Variants in SNX29 observed in about 807,000 individuals in gnomAD.
SNX29 encodes the protein sorting nexin-29.
A neutral mutation model predicts 102.1 loss-of-function variants in SNX29; 78 were observed. The ratio of observed to expected loss-of-function variants is 0.76; its 90% CI spans 0.64 to 0.92. The LOEUF (loss-of-function observed/expected upper bound fraction) is 0.92. SNX29 is among the 40% of genes least tolerant of loss of function. The pLI is 0.00. For missense variants in SNX29, 1,280 were observed against 1,061.7 expected (o/e 1.21, Z -2.86); for synonymous variants, 580 against 414.5 (o/e 1.40, Z -4.85).
At chr16:12,487,790 G>A (rs1251545274) in intron 19 of SNX29, among the ~76,000 whole-genome samples, 1 of 152,158 alleles carries the variant, frequency 6.6e-6, no homozygotes. Context: ...AAGCAGCTCT[G>A]AGTGAATGAA....
At chr16:12,063,434 G>A (rs147591672) in intron 9 of SNX29, among the ~76,000 whole-genome samples, 5 of 133,244 alleles carry the variant, frequency 3.8e-5, no homozygotes, top group Non-Finnish European at 6.2e-5. Context: ...GAGTGCAATG[G>A]CATGATCTTG....
chr16:12,478,456 C>G (rs1188117960), intron 19 of SNX29, among the ~76,000 whole-genome samples: 2 of 152,166 alleles, frequency 1.3e-5, no homozygotes, highest in Non-Finnish European at 2.9e-5. Context: ...TTTATGATGA[C>G]CCAATTTGTC....
chr16:12,377,336 C>G (rs1209906938), intron 16 of SNX29, among the ~76,000 whole-genome samples: 2 of 152,210 alleles, frequency 1.3e-5, no homozygotes, highest in Non-Finnish European at 2.9e-5. Flanking sequence ...GGCCACTGCT[C>G]TGTGTTGTCA....
At chr16:12,300,467 C>T (rs2080132409) in intron 15 of SNX29, among the ~76,000 whole-genome samples, 1 of 152,144 alleles carries the variant, frequency 6.6e-6, no homozygotes, top group South Asian at 2.1e-4. Flanking sequence ...CATTGTTTGG[C>T]ATTGTGTTTT....
chr16:12,360,691 C>T (rs1401618239), intron 16 of SNX29, among the ~76,000 whole-genome samples: 1 of 151,444 alleles, frequency 6.6e-6, no homozygotes, highest in Admixed American at 6.6e-5. Flanking sequence ...CAGTCCCTGA[C>T]TGAGTTTGCT....
chr16:11,976,842 G>A (rs2055310486), intron 1 of SNX29, 29 bp downstream of exon 1: 1 of 1,342,578 alleles, frequency 7.4e-7, no homozygotes, highest in Non-Finnish European at 9.5e-7. Context: ...GCTGTCACCT[G>A]CCCCGGCCGC....
At chr16:12,173,389 G>T (rs2076192562) in intron 13 of SNX29, among the ~76,000 whole-genome samples, 1 of 152,206 alleles carries the variant, frequency 6.6e-6, no homozygotes, top group South Asian at 2.1e-4. Flanking sequence ...TCACAAGCAG[G>T]CACAGATACT....
intron 15 of SNX29, among the ~76,000 whole-genome samples, chr16:12,330,288 G>A (rs1042743369): frequency 2.6e-5 from 4 of 152,038 alleles, no homozygotes; most frequent in African/African-American, 7.2e-5. Flanking sequence ...CCAACATGGC[G>A]AAACCCCATT....
rs768472294 is a variant in SNX29 at position 12,042,999 on chromosome 16, C to T, written c.350C>T (p.Ala117Val). The change falls in exon 5 of 21, where the codon GCC becomes GTC. Residue 117 changes from alanine to valine, a missense_variant. Physicochemically the swap from Ala to Val is moderately conservative, Grantham distance 64. Transcript: ENST00000566228. Reference protein sequence around the residue: ...HIASDVGRGRAWLRCALNEHS... With the variant: ...HIASDVGRGRVWLRCALNEHS... ...GCCTCAGACGTGGGCCGGGGTCGCG[C>T]CTGGCTGCGCTGTGCCCTCAACGAA... 4.3e-6 allele frequency: 7 copies of T among 1,613,706 alleles called. No individual in the cohort carries two copies. The East Asian group carries it at 1.6e-4, about 36-fold the overall frequency.
intron 18 of SNX29, among the ~76,000 whole-genome samples, chr16:12,430,600 C>T (rs1473691741): frequency 6.6e-6 from 1 of 152,182 alleles, no homozygotes; most frequent in Non-Finnish European, 1.5e-5. Context: ...TTATTAGGAT[C>T]AAATGAAATT....
chr16:12,110,803 AC>A (rs1438092615), intron 11 of SNX29, among the ~76,000 whole-genome samples: 1 of 151,888 alleles, frequency 6.6e-6, no homozygotes, highest in Non-Finnish European at 1.5e-5. Flanking sequence ...CTGATTATTA[AC>A]AAAAAATGGT....
intron 19 of SNX29, among the ~76,000 whole-genome samples, chr16:12,505,349 G>C (rs1332426391): frequency 1.3e-5 from 2 of 151,984 alleles, no homozygotes; most frequent in African/African-American, 4.8e-5. Context: ...TCGGTGTCTG[G>C]TGAGGGCCTA....
At chr16:12,365,353 T>C (rs1226019677) in intron 16 of SNX29, among the ~76,000 whole-genome samples, 7 of 151,448 alleles carry the variant, frequency 4.6e-5, no homozygotes, top group Non-Finnish European at 1.0e-4. Flanking sequence ...TGTGTGTGTG[T>C]GTGTGTGTGT....
chr16:12,393,478 T>A (rs2083612388), intron 16 of SNX29, among the ~76,000 whole-genome samples: 1 of 144,866 alleles, frequency 6.9e-6, no homozygotes, highest in Non-Finnish European at 1.5e-5. Flanking sequence ...TTGGCCAGGC[T>A]GCAGTGTGTC....
intron 13 of SNX29, among the ~76,000 whole-genome samples, chr16:12,195,779 C>G (rs1407333046): frequency 2.0e-5 from 3 of 152,146 alleles, no homozygotes; most frequent in Non-Finnish European, 2.9e-5. Context: ...GTTAGACTCT[C>G]TGGGCCTCAA....
intron 19 of SNX29, among the ~76,000 whole-genome samples, chr16:12,507,816 A>C (rs1229748505): frequency 6.6e-6 from 1 of 152,174 alleles, no homozygotes; most frequent in African/African-American, 2.4e-5. Context: ...CATTAAACTC[A>C]AAGGTCTTGA....
intron 13 of SNX29, among the ~76,000 whole-genome samples, chr16:12,148,031 G>C (rs534211904): frequency 8.5e-5 from 13 of 152,204 alleles, no homozygotes; most frequent in Non-Finnish European, 1.9e-4. Context: ...ATTCGTACTG[G>C]TGCCAAACAT....
chr16:12,198,734 G>C (rs756161979), intron 13 of SNX29, among the ~76,000 whole-genome samples: 13 of 152,200 alleles, frequency 8.5e-5, no homozygotes, highest in Non-Finnish European at 1.6e-4. Flanking sequence ...GGCGACCTTG[G>C]TCAAACACCG....
chr16:12,386,677 AC>A (rs1410184987), intron 16 of SNX29, among the ~76,000 whole-genome samples: 7 of 152,238 alleles, frequency 4.6e-5, no homozygotes, highest in African/African-American at 1.7e-4. Context: ...AATGGAAAAC[AC>A]ATGGATGCAT....
Sources: allele counts gnomAD v4.1 joint callset (sites outside exome capture counted in the v4.1 genomes callset), GRCh38; gene constraint gnomAD v4.1.1; transcripts MANE v1.5; gene names NCBI Gene and HGNC (gene_info 2026-07-23, HGNC 2026-07-21).